TYW1B: variants seen among roughly 807,000 people sequenced by gnomAD.
TYW1B encodes S-adenosyl-L-methionine-dependent tRNA 4-demethylwyosine synthase TYW1B.
A neutral mutation model predicts 86.9 loss-of-function variants in TYW1B; 73 were observed. The ratio of observed to expected loss-of-function variants is 0.84; its 90% CI spans 0.70 to 1.02. The LOEUF (loss-of-function observed/expected upper bound fraction) is 1.02, where lower values mean the gene tolerates loss of function less well. Ranked by LOEUF, TYW1B falls within the 50% of genes least tolerant of loss-of-function variation. TYW1B has a pLI of 0.00. For missense variants in TYW1B, 637 were observed against 827.4 expected, an observed-to-expected ratio of 0.77 and a Z score of 2.82; for synonymous variants, 248 against 292.8, an observed-to-expected ratio of 0.85 and a Z score of 1.56.
intron 12 of TYW1B, among the ~76,000 whole-genome samples, chr7:72,619,380 G>A (rs369019680): frequency 6.6e-6 from 1 of 152,102 alleles, no homozygotes; most frequent in Non-Finnish European, 1.5e-5. Context: ...GGTGGCTCAC[G>A]CCTGTAATCC....
At chr7:72,810,256 T>C (rs1788580337) in intron 4 of TYW1B, among the ~76,000 whole-genome samples, 1 of 152,170 alleles carries the variant, frequency 6.6e-6, no homozygotes, top group South Asian at 2.1e-4. Flanking sequence ...CCAGCCTGGG[T>C]GACAGAGCAA....
intron 11 of TYW1B, among the ~76,000 whole-genome samples, chr7:72,687,469 C>T (rs1814034266): frequency 2.0e-5 from 3 of 151,972 alleles, no homozygotes; most frequent in Admixed American, 2.0e-4. Context: ...TAAAGACAGA[C>T]TGGGAGAAGA....
At chr7:72,720,963 T>G (rs1786887988) in intron 9 of TYW1B, among the ~76,000 whole-genome samples, 1 of 148,706 alleles carries the variant, frequency 6.7e-6, no homozygotes, top group Non-Finnish European at 1.5e-5. Flanking sequence ...GTGTTCTCAT[T>G]GTTCAATTCC....
intron 8 of TYW1B, among the ~76,000 whole-genome samples, chr7:72,736,719 T>A (rs1787202788): frequency 6.6e-6 from 1 of 152,232 alleles, no homozygotes; most frequent in South Asian, 2.1e-4. Flanking sequence ...AATGCAATCT[T>A]ACTATAGATG....
At chr7:72,820,435 G>A (rs1379220413) in intron 2 of TYW1B, among the ~76,000 whole-genome samples, 1 of 152,166 alleles carries the variant, frequency 6.6e-6, no homozygotes, top group Non-Finnish European at 1.5e-5. Context: ...TGCTAACTAT[G>A]TAAAGGAAAA....
At chr7:72,766,653 G>A (rs1554468487) in intron 7 of TYW1B, among the ~76,000 whole-genome samples, 2 of 147,844 alleles carry the variant, frequency 1.4e-5, no homozygotes, top group African/African-American at 2.5e-5. Context: ...AGGGCCAGGC[G>A]CAGTGGCTCA....
intron 6 of TYW1B, 122 bp downstream of exon 6, chr7:72,802,278 A>C: frequency 6.7e-7 from 1 of 1,491,894 alleles, no homozygotes; most frequent in Non-Finnish European, 9.0e-7. Flanking sequence ...TAAAACTCTC[A>C]AGACAGAAGC....
chr7:72,672,145 C>T (rs1410772233), intron 11 of TYW1B, among the ~76,000 whole-genome samples: 1 of 152,088 alleles, frequency 6.6e-6, no homozygotes, highest in East Asian at 1.9e-4. Flanking sequence ...TGCACAAGTT[C>T]TCTCATTTTT....
At chr7:72,747,504 A>G (rs535283783) in intron 7 of TYW1B, among the ~76,000 whole-genome samples, 1 of 152,270 alleles carries the variant, frequency 6.6e-6, no homozygotes, top group South Asian at 2.1e-4. Context: ...TTGTGAGTCT[A>G]TTTCTGGGAT....
At chr7:72,802,376 CA>C (rs1554475917) in intron 6 of TYW1B, 23 bp downstream of exon 6, 1 of 1,613,408 alleles carries the variant, frequency 6.2e-7, no homozygotes, top group Admixed American at 1.7e-5. Context: ...GAGCCAAGTG[CA>C]ACATTTCCCA....
chr7:72,726,720 C>G (rs1787004690), intron 9 of TYW1B, among the ~76,000 whole-genome samples: 1 of 152,066 alleles, frequency 6.6e-6, no homozygotes. Flanking sequence ...ATTTGCATGA[C>G]TTTTCTCCAT....
chr7:72,616,814 G>C lies in TYW1B; in HGVS notation c.1643C>G (p.Ser548Ter). The change falls in exon 13 of 14, where the codon TCA (serine) becomes TGA (stop). Residue 548 changes from serine (S) to a stop codon, truncating the protein, a stop_gained. Coordinates refer to ENST00000620995, the MANE Select transcript of TYW1B (RefSeq NM_001145440.3). LOFTEE classifies it high-confidence loss of function. ...VKGVTYCRESSASSLTMAHVP... is the reference protein window; with the variant it reads ...VKGVTYCRES ...ATGGGCCATGGTAAGACTGCTTGCT[G>C]AACTTTCTCTGCAGTAGGTAACGCC... 1 of 1,614,190 alleles carries C rather than the reference G, an allele frequency of 6.2e-7. No homozygotes were observed. Among genetic ancestry groups the C allele is most frequent in the Non-Finnish European group, 8.5e-7 (1 of 1,180,034 alleles).
chr7:72,732,694 C>T (rs2129571111), intron 8 of TYW1B, among the ~76,000 whole-genome samples: 1 of 152,168 alleles, frequency 6.6e-6, no homozygotes, highest in East Asian at 1.9e-4. Flanking sequence ...TAACAATGCA[C>T]TTCAGGGAAC....
intron 10 of TYW1B, among the ~76,000 whole-genome samples, chr7:72,698,936 A>G (rs1445109861): frequency 1.6e-4 from 25 of 152,212 alleles, no homozygotes; most frequent in African/African-American, 6.0e-4. Context: ...AATTCTCTTC[A>G]GGGGCTTATG....
chr7:72,773,156 T>C (rs1554469949), intron 7 of TYW1B, among the ~76,000 whole-genome samples: 1 of 152,212 alleles, frequency 6.6e-6, no homozygotes, highest in Non-Finnish European at 1.5e-5. Context: ...CATAGGTTTC[T>C]ATAAATTTTG....
At chr7:72,734,024 C>T (rs13236307) in intron 8 of TYW1B, among the ~76,000 whole-genome samples, 2 of 151,908 alleles carry the variant, frequency 1.3e-5, no homozygotes, top group Non-Finnish European at 1.5e-5. Flanking sequence ...TTTGGGAGGC[C>T]GAGGCAGGCA....
intron 7 of TYW1B, among the ~76,000 whole-genome samples, chr7:72,767,403 G>A (rs1309536283): frequency 6.6e-6 from 1 of 151,862 alleles, no homozygotes; most frequent in Non-Finnish European, 1.5e-5. Context: ...TCAGGAGATC[G>A]AGACCATCCT....
chr7:72,736,145 C>T (rs193204371), intron 8 of TYW1B, among the ~76,000 whole-genome samples: 5 of 152,302 alleles, frequency 3.3e-5, no homozygotes, highest in Admixed American at 3.3e-4. Context: ...ACTGCTGTTA[C>T]CAGTTTCCAT....
At chr7:72,634,100 C>A (rs1275221982) in intron 11 of TYW1B, among the ~76,000 whole-genome samples, 1 of 152,064 alleles carries the variant, frequency 6.6e-6, no homozygotes, top group African/African-American at 2.4e-5. Context: ...ACGATTTTAA[C>A]CCCCTACTTT....
Sources: gnomAD v4.1 joint callset for allele counts (sites outside exome capture counted in the v4.1 genomes callset) on GRCh38, gnomAD v4.1.1 for gene constraint, MANE v1.5 for transcripts, NCBI Gene and HGNC (gene_info 2026-07-23, HGNC 2026-07-21) for gene names.